Variants in PPP2R2B observed in about 807,000 individuals in gnomAD.
PPP2R2B encodes serine/threonine-protein phosphatase 2A 55 kDa regulatory subunit B beta isoform.
In PPP2R2B, 5 loss-of-function variants were observed where a neutral mutation model predicts 46.0. The observed-to-expected ratio is 0.11, with a 90% CI of 0.06 to 0.23. The LOEUF (loss-of-function observed/expected upper bound fraction) is 0.23, where lower values mean the gene tolerates loss of function less well. Among genes scored for constraint, PPP2R2B ranks in the 10% least tolerant of loss-of-function variants. The pLI, the probability that PPP2R2B is intolerant of heterozygous loss-of-function variation, is 1.00. For synonymous variants in PPP2R2B, 215 were observed against 206.7 expected, an observed-to-expected ratio of 1.04 and a Z score of -0.34; for missense variants, 367 against 575.0, an observed-to-expected ratio of 0.64 and a Z score of 3.70.
In PPP2R2B at chr5:147,030,646, A is replaced by C. The variant is rs564308640; in HGVS notation, c.79+25019T>G. ...TGATGAATTATTTTACCATTTAAAA[A>C]ATATTGATTGCACCAGAAATTGCAA... On this transcript the variant is annotated intron_variant, in intron 1 of 8. Transcript: ENST00000336640. 8.5e-5 allele frequency among the ~76,000 whole-genome samples: 13 copies of C among 152,290 alleles called. No individual in the cohort carries two copies. In the East Asian group the frequency reaches 2.3e-3, roughly 27 times the overall value.
At chr5:146,660,497 A>G (rs1315426061) in intron 5 of PPP2R2B, among the ~76,000 whole-genome samples, 1 of 152,148 alleles carries the variant, frequency 6.6e-6, no homozygotes, top group Admixed American at 6.5e-5. Context: ...CCATGGATCA[A>G]TGGTGGATGG....
At chr5:146,801,628 C>G (rs1480520536) in intron 2 of PPP2R2B, among the ~76,000 whole-genome samples, 1 of 152,112 alleles carries the variant, frequency 6.6e-6, no homozygotes, top group Non-Finnish European at 1.5e-5. Context: ...GCCTCTGCCT[C>G]TTATTGGCTG....
intron 2 of PPP2R2B, among the ~76,000 whole-genome samples, chr5:147,075,432 G>T (rs1416293261): frequency 6.6e-6 from 1 of 152,110 alleles, no homozygotes; most frequent in Non-Finnish European, 1.5e-5. Context: ...ATCTCATTCA[G>T]TTCATTGGTG....
chr5:146,851,382 A>G (rs567412437), intron 2 of PPP2R2B, among the ~76,000 whole-genome samples: 1 of 152,250 alleles, frequency 6.6e-6, no homozygotes, highest in South Asian at 2.1e-4. Flanking sequence ...TCAAGAAGAG[A>G]GGATAACCAA....
chr5:146,686,531 C>A (rs1386329925), intron 5 of PPP2R2B, among the ~76,000 whole-genome samples: 1 of 152,100 alleles, frequency 6.6e-6, no homozygotes, highest in Non-Finnish European at 1.5e-5. Context: ...TAGTACCTGG[C>A]ACATAGTAAG....
At chr5:146,657,402 G>A (rs1201298631) in intron 5 of PPP2R2B, among the ~76,000 whole-genome samples, 1 of 152,166 alleles carries the variant, frequency 6.6e-6, no homozygotes, top group Non-Finnish European at 1.5e-5. Context: ...AAAGAGAGAT[G>A]TCTGTCTGTA....
chr5:146,593,047 G>A lies in PPP2R2B; in HGVS notation c.976C>T (p.Arg326Cys), dbSNP rs1019612179. ...TCATAGAGGGAACACAGCTTGCTGC[G>A]GAGGTAGTCATGAACCTGGAGAGGA... ...IETYQVHDYLRSKLCSLYEND... is the reference protein window; with the variant it reads ...IETYQVHDYLCSKLCSLYEND... Residue 326 changes from arginine (R) to cysteine (C), a missense_variant, in exon 9 of 10, where the codon CGC becomes TGC. Transcript: ENST00000394411. 11 of 1,613,300 alleles carry A rather than the reference G, an allele frequency of 6.8e-6. No individual in the cohort carries two copies. Among genetic ancestry groups the A allele is most frequent in the East Asian group, 6.7e-5 (3 of 44,892 alleles).
At chr5:146,744,365 T>C (rs1048836010) in intron 2 of PPP2R2B, among the ~76,000 whole-genome samples, 1 of 152,154 alleles carries the variant, frequency 6.6e-6, no homozygotes, top group African/African-American at 2.4e-5. Context: ...CTTGAGGAAA[T>C]CATCATTTTT....
chr5:146,672,883 A>AT (rs775528105), intron 5 of PPP2R2B, among the ~76,000 whole-genome samples: 4 of 152,180 alleles, frequency 2.6e-5, no homozygotes, highest in Non-Finnish European at 4.4e-5. Context: ...AGGCATGTAC[A>AT]TTTTTTTGTC....
chr5:146,596,720 GAA>G (rs1440775655), intron 8 of PPP2R2B, among the ~76,000 whole-genome samples: 2 of 152,172 alleles, frequency 1.3e-5, no homozygotes, highest in Non-Finnish European at 2.9e-5. Flanking sequence ...GGCTGCAAAT[GAA>G]AGCTTGGGGG....
At chr5:147,045,349 ATACT>A (rs1440810781) in intron 1 of PPP2R2B, among the ~76,000 whole-genome samples, 2 of 152,148 alleles carry the variant, frequency 1.3e-5, no homozygotes, top group Non-Finnish European at 2.9e-5. Flanking sequence ...AAGTCTGGAA[ATACT>A]TACCATTGTG....
At chr5:146,912,238 CAAAAAAAAAAA>C (rs35127306) in intron 1 of PPP2R2B, among the ~76,000 whole-genome samples, 1 of 56,586 alleles carries the variant, frequency 1.8e-5, no homozygotes, top group Admixed American at 2.3e-4. Flanking sequence ...GGCTCCGTCT[CAAAAAAAAAAA>C]AAAAAAAAAA....
At chr5:146,697,084 C>CCTTGATT (rs1278155188) in intron 4 of PPP2R2B, among the ~76,000 whole-genome samples, 3 of 151,942 alleles carry the variant, frequency 2.0e-5, no homozygotes, top group Non-Finnish European at 4.4e-5. Context: ...TTTTTAAATC[C>CCTTGATT]CTTGCTTCTT....
chr5:147,059,144 C>A (rs1001258236), upstream of PPP2R2B, among the ~76,000 whole-genome samples: 2 of 152,078 alleles, frequency 1.3e-5, no homozygotes, highest in Non-Finnish European at 2.9e-5. Flanking sequence ...ATATGAGATA[C>A]CACCCCTGCT....
chr5:146,599,471 A>G (rs1771562262), intron 8 of PPP2R2B, among the ~76,000 whole-genome samples: 1 of 152,202 alleles, frequency 6.6e-6, no homozygotes, highest in African/African-American at 2.4e-5. Context: ...TAAAACTTTA[A>G]TGGTCCTCCA....
At chr5:146,991,854 G>A (rs985814014) in intron 1 of PPP2R2B, among the ~76,000 whole-genome samples, 1 of 151,818 alleles carries the variant, frequency 6.6e-6, no homozygotes, top group East Asian at 1.9e-4. Flanking sequence ...ACAAAATATT[G>A]ATAAAATAAA....
At chr5:146,703,715 C>T (rs991832413) in intron 2 of PPP2R2B, among the ~76,000 whole-genome samples, 8 of 152,168 alleles carry the variant, frequency 5.3e-5, no homozygotes, top group Admixed American at 3.3e-4. Flanking sequence ...CAAGTCAAAA[C>T]AAGGCAGGAT....
chr5:146,958,945 A>G (rs745353858), intron 1 of PPP2R2B, among the ~76,000 whole-genome samples: 3 of 152,226 alleles, frequency 2.0e-5, no homozygotes, highest in Non-Finnish European at 4.4e-5. Context: ...AAGATCATCC[A>G]TTTAGTAAGT....
At chr5:146,661,233 G>C (rs546705175) in intron 5 of PPP2R2B, among the ~76,000 whole-genome samples, 74 of 152,204 alleles carry the variant, frequency 4.9e-4, no homozygotes, top group African/African-American at 1.7e-3. Context: ...TGATGAACAA[G>C]GTAGCTCCTC....
Sources: gnomAD v4.1 joint callset for allele counts (sites outside exome capture counted in the v4.1 genomes callset) on GRCh38, gnomAD v4.1.1 for gene constraint, MANE v1.5 for transcripts, NCBI Gene and HGNC (gene_info 2026-07-23, HGNC 2026-07-21) for gene names.